The following CADPS variants were observed in gnomAD, a reference collection of about 807,000 sequenced individuals.
The protein encoded by CADPS is calcium dependent secretion activator, also known as calcium-dependent secretion activator 1.
CADPS carries 57 observed loss-of-function variants against 167.3 expected under a neutral mutation model. The observed-to-expected ratio is 0.34, with a 90% CI of 0.28 to 0.42. CADPS has a LOEUF of 0.42. CADPS is among the 20% of genes least tolerant of loss of function. The probability of loss-of-function intolerance (pLI) is 1.00; values close to 1 mark genes in which losing one functional copy is unlikely to be tolerated. For synonymous variants in CADPS, 676 were observed against 635.3 expected (o/e 1.06, Z -0.96); for missense variants, 1,414 against 1,738.1 (o/e 0.81, Z 3.32).
intron 3 of CADPS, among the ~76,000 whole-genome samples, chr3:62,688,849 G>C (rs2078569945): frequency 6.6e-6 from 1 of 151,962 alleles, no homozygotes; most frequent in Non-Finnish European, 1.5e-5. Flanking sequence ...GGTGGCAGAA[G>C]GGATTCAGAA....
chr3:62,720,049 A>G (rs1247371815), intron 3 of CADPS, among the ~76,000 whole-genome samples: 1 of 152,206 alleles, frequency 6.6e-6, no homozygotes, highest in Non-Finnish European at 1.5e-5. Flanking sequence ...CTGATGATGG[A>G]CACAAAACAC....
At chr3:62,718,684 T>A (rs1200503950) in intron 3 of CADPS, among the ~76,000 whole-genome samples, 1 of 152,210 alleles carries the variant, frequency 6.6e-6, no homozygotes, top group Non-Finnish European at 1.5e-5. Context: ...GTTAAGGAGA[T>A]GACACATTCT....
chr3:62,859,658 CCTTTT>C (rs149182340), intron 1 of CADPS, among the ~76,000 whole-genome samples: 3,018 of 152,182 alleles, frequency 0.02, 98 homozygotes, highest in African/African-American at 0.068. Context: ...AGAAAGAAAT[CCTTTT>C]CTTTTCTCCA....
chr3:62,623,253 G>C (rs2063465858), intron 6 of CADPS, among the ~76,000 whole-genome samples: 1 of 152,110 alleles, frequency 6.6e-6, no homozygotes, highest in African/African-American at 2.4e-5. Context: ...AGAGAGAGCT[G>C]ACCAAGAAGA....
chr3:62,545,041 G>T (rs764967768), intron 11 of CADPS, among the ~76,000 whole-genome samples: 1 of 152,006 alleles, frequency 6.6e-6, no homozygotes, highest in Admixed American at 6.6e-5. Context: ...CAAACCAACA[G>T]TAACCCAAAT....
chr3:62,837,781 C>T (rs73097450), intron 1 of CADPS, among the ~76,000 whole-genome samples: 27 of 152,276 alleles, frequency 1.8e-4, no homozygotes, highest in Non-Finnish European at 3.7e-4. Context: ...GCTGAGTTGA[C>T]TTGGGGTAAA....
chr3:62,512,959 T>C (rs1431363322), intron 16 of CADPS, among the ~76,000 whole-genome samples, 191 bp from the exon 17 acceptor site: 6 of 151,954 alleles, frequency 3.9e-5, no homozygotes, highest in South Asian at 4.1e-4. Context: ...TTCACAGAGG[T>C]GGAAAATGCT....
Position 62,438,105 on chromosome 3 carries a change from T to G in CADPS, c.3776A>C (p.Asp1259Ala). 6.2e-7 allele frequency: 1 copy of G among 1,606,916 alleles called. No individual in the cohort carries two copies. Among genetic ancestry groups the G allele is most frequent in the Non-Finnish European group, 8.5e-7 (1 of 1,174,046 alleles). Reference sequence around the variant, plus strand: ...AAGGAGGAGAAGGCATTTACTTACATCAAATAACCTTTCTATGTACATCTC... The same window carrying G: ...AAGGAGGAGAAGGCATTTACTTACAGCAAATAACCTTTCTATGTACATCTC... ...NEEMYIERLF[D>A]QWYNSSMNVI... The change falls in exon 28 of 30, where the codon GAT (aspartate) becomes GCT (alanine). Residue 1259 changes from aspartate to alanine, a missense_variant and splice_region_variant. By Grantham distance (126) the Asp-to-Ala change is moderately radical (BLOSUM62 -2). This residue lies in a region of CADPS where 185 missense variants were observed against 251.5 expected (regional missense o/e 0.74). Coordinates refer to ENST00000383710, the MANE Select transcript of CADPS (RefSeq NM_003716.4). This position sits in a 1 kb window ranked among gnomAD's most constrained non-coding sequence, Gnocchi z 4.7.
intron 10 of CADPS, among the ~76,000 whole-genome samples, chr3:62,555,667 C>T (rs1261440643): frequency 6.6e-6 from 1 of 152,196 alleles, no homozygotes. Context: ...CAATTATTGT[C>T]ATAAGGTGGT....
intron 21 of CADPS, among the ~76,000 whole-genome samples, chr3:62,490,408 T>C (rs540651850): frequency 6.6e-6 from 1 of 152,294 alleles, no homozygotes; most frequent in Non-Finnish European, 1.5e-5. Flanking sequence ...AAACTCTCCA[T>C]ATAGGAGTCT....
Position 62,518,253 on chromosome 3 carries a change from G to A in CADPS, c.2292-3C>T. The A allele has an allele frequency of 1.2e-6, 2 of 1,606,544 alleles. No homozygotes were observed. The highest frequency in any genetic ancestry group is 1.7e-6 in the Non-Finnish European group (2 of 1,174,828). ...TCACAGTTCCAATTCCATCAGGCCT[G>A]AAAGAAGACATGTCATGAAATGACG... On this transcript the variant is annotated splice_polypyrimidine_tract_variant and splice_region_variant and intron_variant, in intron 13 of 29. Transcript: ENST00000383710.
chr3:62,742,896 A>G (rs2152316607), intron 3 of CADPS, among the ~76,000 whole-genome samples: 1 of 152,338 alleles, frequency 6.6e-6, no homozygotes, highest in African/African-American at 2.4e-5. Flanking sequence ...ACAAGGTCTA[A>G]TATCATGCAT....
At chr3:62,633,356 C>T (rs2065669385) in intron 6 of CADPS, among the ~76,000 whole-genome samples, 1 of 152,152 alleles carries the variant, frequency 6.6e-6, no homozygotes, top group Non-Finnish European at 1.5e-5. Flanking sequence ...CTCCATATAG[C>T]AGCCACACTG....
At chr3:62,591,414 T>C (rs1316332974) in intron 7 of CADPS, among the ~76,000 whole-genome samples, 7 of 152,194 alleles carry the variant, frequency 4.6e-5, no homozygotes, top group Non-Finnish European at 1.0e-4. Flanking sequence ...ATGCAGAGAA[T>C]GCATTTATGC....
intron 1 of CADPS, among the ~76,000 whole-genome samples, chr3:62,781,098 G>C (rs1394588580): frequency 6.6e-6 from 1 of 152,136 alleles, no homozygotes; most frequent in East Asian, 1.9e-4. Context: ...ACTCAGATAA[G>C]CAACCAAACT....
intron 21 of CADPS, among the ~76,000 whole-genome samples, chr3:62,487,425 G>T (rs1217161684): frequency 6.6e-6 from 1 of 152,236 alleles, no homozygotes; most frequent in Non-Finnish European, 1.5e-5. Flanking sequence ...GCCCAACTGT[G>T]AGTGGTGACC....
chr3:62,758,497 C>T (rs1264090797), intron 2 of CADPS, among the ~76,000 whole-genome samples: 2 of 152,224 alleles, frequency 1.3e-5, no homozygotes, highest in South Asian at 4.1e-4. Context: ...GAAGTGGGGC[C>T]TGGGCCAGCC....
At chr3:62,502,608 C>T (rs557474082) in intron 17 of CADPS, among the ~76,000 whole-genome samples, 2 of 152,260 alleles carry the variant, frequency 1.3e-5, no homozygotes, top group East Asian at 3.9e-4. Context: ...ATCTCAAAAC[C>T]TATAAAATTA....
intron 27 of CADPS, among the ~76,000 whole-genome samples, chr3:62,441,361 C>G (rs1291822841): frequency 1.3e-5 from 2 of 152,156 alleles, no homozygotes; most frequent in Non-Finnish European, 2.9e-5. Context: ...AAAAGAAGAA[C>G]ATTTTAATCT....
Sources: gnomAD v4.1 joint callset for allele counts (sites outside exome capture counted in the v4.1 genomes callset) on GRCh38, gnomAD v4.1.1 for gene constraint, gnomAD v4.1.1 regional missense constraint, Gnocchi (gnomAD v3.1) non-coding constraint, MANE v1.5 for transcripts, NCBI Gene and HGNC (gene_info 2026-07-23, HGNC 2026-07-21) for gene names.